The following COL4A5 variants were observed in gnomAD, a reference collection of about 807,000 sequenced individuals.
COL4A5 encodes the protein collagen type IV alpha 5 chain.
A neutral mutation model predicts 130.2 loss-of-function variants in COL4A5; 26 were observed. The ratio of observed to expected loss-of-function variants is 0.20; its 90% CI spans 0.15 to 0.28. COL4A5 has a LOEUF of 0.28. Ranked by LOEUF, COL4A5 falls within the 10% of genes least tolerant of loss-of-function variation. The pLI is 1.00. For missense variants in COL4A5, 1,131 were observed against 1,344.3 expected (o/e 0.84, Z 2.48); for synonymous variants, 496 against 439.6 (o/e 1.13, Z -1.60).
intron 1 of COL4A5, among the ~76,000 whole-genome samples, chrX:108,500,387 A>C (rs1023876893): frequency 8.9e-6 from 1 of 112,135 alleles, no homozygotes; most frequent in African/African-American, 3.2e-5. Context: ...TCTTAAAATA[A>C]ATGAAAATTG....
rs2068701470 is a variant in COL4A5 at position 108,694,753 on chromosome X, A to T, written c.4707-54A>T. 4 of 941,441 alleles carry T rather than the reference A, an allele frequency of 4.2e-6. No individual in the cohort carries two copies. In the Admixed American group the frequency reaches 8.8e-5, roughly 21 times the overall value. 77.6% of individuals were successfully genotyped at this position (941,441 alleles called of 1,213,427 possible). On this transcript the variant is annotated intron_variant, in intron 50 of 52. Transcript: ENST00000328300. ...AGGCTTCCAATGAAGCAGGATGGCT[A>T]CTTCTCACATGCTCACTCTGTAGAT...
chrX:108,677,452 A>G, intron 43 of COL4A5, 48 bp from the exon 44 acceptor site: 2 of 1,168,664 alleles, frequency 1.7e-6, no homozygotes, highest in Non-Finnish European at 2.3e-6. Flanking sequence ...CTTTTATGCT[A>G]CTCTTAACAC....
chrX:108,512,168 A>G (rs1238673146), intron 1 of COL4A5, among the ~76,000 whole-genome samples: 5 of 112,301 alleles, frequency 4.5e-5, no homozygotes, highest in Non-Finnish European at 9.4e-5. Flanking sequence ...AAATTCCATA[A>G]GATGAAATGC....
intron 10 of COL4A5, 90 bp downstream of exon 10, chrX:108,576,062 A>G (rs2066144841): frequency 3.5e-6 from 2 of 574,561 alleles, no homozygotes; most frequent in Admixed American, 6.0e-5. Context: ...TTGAAAACAT[A>G]ATGCATTCTC....
At chrX:108,648,561 C>T (rs2067657886) in intron 36 of COL4A5, among the ~76,000 whole-genome samples, 1 of 111,573 alleles carries the variant, frequency 9.0e-6, no homozygotes, top group African/African-American at 3.3e-5. Flanking sequence ...GGTTTCATAC[C>T]AAGGATGCAG....
intron 1 of COL4A5, among the ~76,000 whole-genome samples, chrX:108,491,748 G>T (rs1376067085): frequency 1.8e-5 from 2 of 111,260 alleles, no homozygotes; most frequent in African/African-American, 6.5e-5. Flanking sequence ...AGTACCTGAG[G>T]GAGTAGAAGT....
At position 108,686,107 on chromosome X, in the gene COL4A5, C is replaced by T. The variant is rs61746140; in HGVS notation, c.4293C>T (p.Asp1431=). Residue 1431 remains aspartate (D), a synonymous_variant, in exon 48 of 53, where the codon GAC becomes GAT. Coordinates refer to ENST00000328300, the MANE Select transcript of COL4A5 (RefSeq NM_033380.3). Reference sequence around the variant, plus strand: ...ATGGTGCAGGAGGGCGCAAAGGAGACCCAGGTCTGCCAGGACAGCCAGGTA... The same window carrying T: ...ATGGTGCAGGAGGGCGCAAAGGAGATCCAGGTCTGCCAGGACAGCCAGGTA... ...GFDGAGGRKG[D]PGLPGQPGTR... is the part of the protein sequence containing the mutation. The T allele has an allele frequency of 0.021, 25,470 of 1,207,264 alleles. 2,328 individuals carry two copies. In the African/African-American group the frequency reaches 0.32, roughly 15 times the overall value.
In COL4A5 at chrX:108,595,532, A is replaced by C. The variant is rs1184657367; in HGVS notation, c.1447A>C (p.Asn483His). 1 of 1,212,001 alleles carries C rather than the reference A, an allele frequency of 8.3e-7. No homozygotes were observed. Among genetic ancestry groups the C allele is most frequent in the Non-Finnish European group, 1.1e-6 (1 of 895,500 alleles). The change falls in exon 22 of 53, where the codon AAC (asparagine) becomes CAC (histidine). Residue 483 changes from asparagine (N) to histidine (H), a missense_variant. By Grantham distance (68) the Asn-to-His change is moderately conservative (BLOSUM62 1). Coordinates refer to ENST00000328300, the MANE Select transcript of COL4A5 (RefSeq NM_033380.3). ...AGGTGACAAAGGTGACACTTGCTTC[A>C]ACTGCATTGGAACTGGTATTTCAGG... ...VKGDKGDTCF[N>H]CIGTGISGPP...
chrX:108,575,693 C>T (rs1433461015), intron 9 of COL4A5, among the ~76,000 whole-genome samples: 3 of 111,540 alleles, frequency 2.7e-5, no homozygotes, highest in South Asian at 3.8e-4. Flanking sequence ...GATAATTAGC[C>T]GGACCTGGTG....
At chrX:108,544,334 G>C (rs1413337043) in intron 2 of COL4A5, among the ~76,000 whole-genome samples, 5 of 112,092 alleles carry the variant, frequency 4.5e-5, no homozygotes, top group Admixed American at 2.8e-4. Context: ...GTTGAATTTT[G>C]TCAAAGGCCT....
Position 108,486,946 on chromosome X carries a change from T to G in COL4A5, c.81+46740T>G, listed in dbSNP as rs111938600. Among the ~76,000 whole-genome samples the G allele has an allele frequency of 7.2e-3, 807 of 112,503 alleles. 4 individuals are homozygous for G. Among genetic ancestry groups the G allele is most frequent in the East Asian group, 0.036 (129 of 3,587 alleles). ...TGTTTTTGCTTGTTTGTTTGTTTGT[T>G]TTTTGTATAATGACTTCTTTTCCTC... On this transcript the variant is annotated intron_variant, in intron 1 of 52. Transcript: ENST00000328300.
chrX:108,620,139 T>C (rs1156727891), intron 30 of COL4A5, 120 bp from the exon 31 acceptor site: 1 of 582,969 alleles, frequency 1.7e-6, no homozygotes, highest in East Asian at 3.5e-5. Context: ...CAAAAGTATC[T>C]CTAACTCACT....
At chrX:108,527,295 A>G (rs942350586) in intron 1 of COL4A5, among the ~76,000 whole-genome samples, 3 of 110,009 alleles carry the variant, frequency 2.7e-5, no homozygotes, top group African/African-American at 3.3e-5. Context: ...TGGGATTAAT[A>G]CTCTATTTAT....
At chrX:108,545,656 A>G (rs943287379) in intron 2 of COL4A5, among the ~76,000 whole-genome samples, 1 of 110,805 alleles carries the variant, frequency 9.0e-6, no homozygotes, top group Non-Finnish European at 1.9e-5. Flanking sequence ...CAATTCCTGG[A>G]TATCCTTGTT....
chrX:108,557,716 A>G (rs777353903), intron 2 of COL4A5, among the ~76,000 whole-genome samples: 10 of 110,964 alleles, frequency 9.0e-5, no homozygotes, highest in African/African-American at 3.0e-4. Context: ...TGTGTCTTCA[A>G]TGGCCCCTTA....
intron 36 of COL4A5, among the ~76,000 whole-genome samples, chrX:108,652,725 A>G (rs889535601): frequency 8.9e-6 from 1 of 112,388 alleles, no homozygotes; most frequent in Non-Finnish European, 1.9e-5. Flanking sequence ...GAATCTTAAC[A>G]ACAAAGAAGA....
intron 28 of COL4A5, among the ~76,000 whole-genome samples, chrX:108,604,557 A>G (rs531082790): frequency 3.6e-5 from 4 of 112,122 alleles, no homozygotes; most frequent in African/African-American, 1.3e-4. Context: ...GAGTAGATAT[A>G]CCATAATTCG....
chrX:108,626,278 C>T lies in COL4A5; in HGVS notation c.3175C>T (p.Pro1059Ser). The T allele has an allele frequency of 1.7e-6, 2 of 1,210,772 alleles. No individual in the cohort carries two copies. The highest frequency in any genetic ancestry group is 2.2e-6 in the Non-Finnish European group (2 of 894,962). ...VPGQPGSPGL[P>S]GQKGDKGDPG... ...TGGACAACCTGGCTCCCCAGGATTA[C>T]CTGGACAGAAAGGCGACAAAGGTGA... The change falls in exon 36 of 53, where the codon CCT becomes TCT. Residue 1059 changes from proline to serine, a missense_variant. Transcript: ENST00000328300.
chrX:108,650,164 G>GA (rs113820603), intron 36 of COL4A5, among the ~76,000 whole-genome samples: 4 of 110,930 alleles, frequency 3.6e-5, no homozygotes, highest in African/African-American at 6.5e-5. Context: ...AAAAACATAT[G>GA]AAAAAAAATG....
Sources: allele counts gnomAD v4.1 joint callset (sites outside exome capture counted in the v4.1 genomes callset), GRCh38; gene constraint gnomAD v4.1.1; transcripts MANE v1.5; gene names NCBI Gene and HGNC (gene_info 2026-07-23, HGNC 2026-07-21).